Variants in CSMD1 observed in about 807,000 individuals in gnomAD.
The protein encoded by CSMD1 is CUB and Sushi multiple domains 1.
Under a neutral mutation model 417.5 loss-of-function variants are expected in CSMD1, and 213 were observed. The observed-to-expected ratio is 0.51, with a 90% CI of 0.46 to 0.57. The LOEUF (loss-of-function observed/expected upper bound fraction) is 0.57. CSMD1 is among the 20% of genes least tolerant of loss of function. CSMD1 has a pLI of 0.00. For synonymous variants in CSMD1, 2,862 were observed against 1,736.8 expected (o/e 1.65, Z -16.11); for missense variants, 6,923 against 4,529.7 (o/e 1.53, Z -15.17).
At chr8:3,552,074 A>G (rs1422696395) in intron 10 of CSMD1, among the ~76,000 whole-genome samples, 1 of 152,236 alleles carries the variant, frequency 6.6e-6, no homozygotes, top group Non-Finnish European at 1.5e-5. Flanking sequence ...TTGTGAAAAC[A>G]AATGGTAAAA....
intron 3 of CSMD1, among the ~76,000 whole-genome samples, chr8:4,224,234 GAA>G (rs67231066): frequency 2.6e-5 from 4 of 151,572 alleles, no homozygotes; most frequent in East Asian, 2.0e-4. Context: ...GCCTTTTTCA[GAA>G]AAAAAAAATA....
chr8:3,382,656 T>C (rs1215825580), intron 18 of CSMD1, among the ~76,000 whole-genome samples: 1 of 149,044 alleles, frequency 6.7e-6, no homozygotes. Context: ...GAGATAGATA[T>C]AAAATGTATC....
At chr8:4,341,871 T>C (rs976606433) in intron 3 of CSMD1, among the ~76,000 whole-genome samples, 7 of 152,096 alleles carry the variant, frequency 4.6e-5, no homozygotes, top group Non-Finnish European at 1.0e-4. Context: ...ACAGCTGATG[T>C]TAACCTTCCA....
intron 3 of CSMD1, among the ~76,000 whole-genome samples, chr8:4,226,606 T>C (rs754390013): frequency 6.6e-6 from 1 of 152,182 alleles, no homozygotes; most frequent in Non-Finnish European, 1.5e-5. Flanking sequence ...TTTTCTGCAT[T>C]GATATTCTAT....
chr8:4,954,875 C>T (rs1206569398), intron 1 of CSMD1, among the ~76,000 whole-genome samples: 3 of 152,164 alleles, frequency 2.0e-5, no homozygotes, highest in African/African-American at 7.2e-5. Context: ...CTCATAACTT[C>T]AGGAATTCAG....
At chr8:4,959,297 T>C (rs1407148281) in intron 1 of CSMD1, among the ~76,000 whole-genome samples, 1 of 152,162 alleles carries the variant, frequency 6.6e-6, no homozygotes, top group Non-Finnish European at 1.5e-5. Context: ...AACAGGTATG[T>C]TTATTGTAGG....
intron 1 of CSMD1, among the ~76,000 whole-genome samples, chr8:4,785,717 T>C (rs568998818): frequency 6.6e-6 from 1 of 152,104 alleles, no homozygotes; most frequent in African/African-American, 2.4e-5. Context: ...TCACCCTTTA[T>C]AATAGAGCAC....
At chr8:4,081,584 A>G (rs940685526) in intron 3 of CSMD1, among the ~76,000 whole-genome samples, 3 of 152,198 alleles carry the variant, frequency 2.0e-5, no homozygotes, top group Admixed American at 2.0e-4. Flanking sequence ...CCAGAACACT[A>G]TACCCAACCA....
At chr8:4,926,992 T>C (rs1454398748) in intron 1 of CSMD1, among the ~76,000 whole-genome samples, 1 of 152,018 alleles carries the variant, frequency 6.6e-6, no homozygotes, top group Non-Finnish European at 1.5e-5. Flanking sequence ...TTTTCATTTA[T>C]AAAGATTCAA....
At chr8:4,474,770 C>T (rs565469284) in intron 2 of CSMD1, among the ~76,000 whole-genome samples, 1 of 152,238 alleles carries the variant, frequency 6.6e-6, no homozygotes, top group South Asian at 2.1e-4. Context: ...TGTTTCTCCT[C>T]CCCAGCCTAC....
At chr8:3,374,604 G>A (rs1188577061) in intron 18 of CSMD1, among the ~76,000 whole-genome samples, 1 of 152,152 alleles carries the variant, frequency 6.6e-6, no homozygotes, top group Non-Finnish European at 1.5e-5. Flanking sequence ...TGCACATCCT[G>A]GCAAATGTCC....
intron 1 of CSMD1, among the ~76,000 whole-genome samples, chr8:4,928,609 G>A (rs941063757): frequency 6.6e-6 from 1 of 152,122 alleles, no homozygotes; most frequent in Non-Finnish European, 1.5e-5. Flanking sequence ...CCACAAACGC[G>A]CTGAGAAGTA....
At chr8:4,509,920 G>A (rs1162522255) in intron 2 of CSMD1, among the ~76,000 whole-genome samples, 1 of 152,134 alleles carries the variant, frequency 6.6e-6, no homozygotes, top group East Asian at 1.9e-4. Context: ...TTACCTGATA[G>A]AGGTATATGA....
chr8:4,820,657 G>A (rs1799471697), intron 1 of CSMD1, among the ~76,000 whole-genome samples: 1 of 152,158 alleles, frequency 6.6e-6, no homozygotes, highest in Admixed American at 6.5e-5. Flanking sequence ...ATTCAAGCCT[G>A]TGCTTTGCCA....
At chr8:3,434,819 T>C (rs543471625) in intron 12 of CSMD1, among the ~76,000 whole-genome samples, 7 of 152,308 alleles carry the variant, frequency 4.6e-5, no homozygotes, top group Non-Finnish European at 1.5e-5. Flanking sequence ...TATATTTCTA[T>C]GAGTCAGAGT....
chr8:3,777,463 T>C (rs1319433858), intron 5 of CSMD1, among the ~76,000 whole-genome samples: 1 of 152,152 alleles, frequency 6.6e-6, no homozygotes, highest in Non-Finnish European at 1.5e-5. Flanking sequence ...GCAGTGCTCA[T>C]TCTGGTGTCC....
At chr8:3,708,874 T>A (rs954646061) in intron 6 of CSMD1, among the ~76,000 whole-genome samples, 44 of 152,182 alleles carry the variant, frequency 2.9e-4, no homozygotes, top group Non-Finnish European at 5.9e-5. Context: ...AAGTTTGCTA[T>A]AATCATGAAA....
chr8:4,694,741 T>C (rs1301481389), intron 1 of CSMD1, among the ~76,000 whole-genome samples: 1 of 152,150 alleles, frequency 6.6e-6, no homozygotes, highest in Non-Finnish European at 1.5e-5. Flanking sequence ...CCAACCACCT[T>C]GGGCACATGT....
intron 2 of CSMD1, among the ~76,000 whole-genome samples, chr8:4,470,142 T>A (rs940138831): frequency 6.6e-6 from 1 of 152,072 alleles, no homozygotes; most frequent in Non-Finnish European, 1.5e-5. Flanking sequence ...AGGGCTGGGA[T>A]TACAGGTGGC....
Sources: gnomAD v4.1 joint callset for allele counts (sites outside exome capture counted in the v4.1 genomes callset) on GRCh38, gnomAD v4.1.1 for gene constraint, MANE v1.5 for transcripts, NCBI Gene and HGNC (gene_info 2026-07-23, HGNC 2026-07-21) for gene names.